Variants in CCNH observed in about 807,000 individuals in gnomAD.
CCNH encodes cyclin H.
CCNH carries 31 observed loss-of-function variants against 41.9 expected under a neutral mutation model. The observed-to-expected ratio is 0.74, with a 90% CI of 0.56 to 1.00. The LOEUF (loss-of-function observed/expected upper bound fraction) is 1.00. Among genes scored for constraint, CCNH ranks in the 50% least tolerant of loss-of-function variants. The pLI, the probability that CCNH is intolerant of heterozygous loss-of-function variation, is 0.00. For missense variants in CCNH, 362 were observed against 388.4 expected, an observed-to-expected ratio of 0.93 and a Z score of 0.57; for synonymous variants, 138 against 136.1, an observed-to-expected ratio of 1.01 and a Z score of -0.10.
intron 6 of CCNH, among the ~76,000 whole-genome samples, chr5:87,400,629 T>C (rs545918345): frequency 1.5e-4 from 23 of 152,348 alleles, no homozygotes; most frequent in African/African-American, 2.9e-4. Context: ...AAATGATACA[T>C]AGATGCCCTG....
At chr5:87,387,395 TAATAA>T (rs1762136488), downstream of CCNH, among the ~76,000 whole-genome samples, 1 of 152,294 alleles carries the variant, frequency 6.6e-6, no homozygotes, top group Admixed American at 6.5e-5. Context: ...TGGGCCTTGT[TAATAA>T]AATAAATTGT....
At chr5:87,338,582 G>A (rs1466750812) in intron 9 of CCNH, among the ~76,000 whole-genome samples, 1 of 142,410 alleles carries the variant, frequency 7.0e-6, no homozygotes, top group Non-Finnish European at 1.5e-5. Flanking sequence ...ATGTTGGCCA[G>A]GCTGGTCTCA....
At chr5:87,341,980 C>G (rs763322308) in intron 9 of CCNH, among the ~76,000 whole-genome samples, 2 of 152,048 alleles carry the variant, frequency 1.3e-5, no homozygotes, top group Non-Finnish European at 2.9e-5. Context: ...TTGCAGTCAC[C>G]TTGTTTAATG....
intron 9 of CCNH, among the ~76,000 whole-genome samples, chr5:87,347,885 G>C (rs1028315791): frequency 6.6e-6 from 1 of 151,942 alleles, no homozygotes; most frequent in Non-Finnish European, 1.5e-5. Flanking sequence ...CCAAGTACTT[G>C]AGGTACTTTT....
At chr5:87,364,322 A>G (rs995556249) in intron 9 of CCNH, among the ~76,000 whole-genome samples, 4 of 152,118 alleles carry the variant, frequency 2.6e-5, no homozygotes, top group African/African-American at 9.7e-5. Flanking sequence ...CAGTGTGTTT[A>G]GGAGATCACA....
upstream of CCNH, chr5:87,378,282 A>G: frequency 8.0e-7 from 1 of 1,252,180 alleles, no homozygotes; most frequent in African/African-American, 1.5e-5. Context: ...TGCACGCAAA[A>G]AGCACATTTA....
chr5:87,352,574 T>G (rs532793243), intron 9 of CCNH, among the ~76,000 whole-genome samples: 1 of 151,954 alleles, frequency 6.6e-6, no homozygotes, highest in Non-Finnish European at 1.5e-5. Context: ...ATTTTCCCAA[T>G]ATTTCCCAAT....
chr5:87,395,153 C>A, intron 7 of CCNH, 49 bp from the exon 8 acceptor site: 1 of 1,542,788 alleles, frequency 6.5e-7, no homozygotes, highest in Non-Finnish European at 8.9e-7. Context: ...GCCACAGAAA[C>A]TATAAAATGT....
rs1763685667 is a variant in CCNH at position 87,404,998 on chromosome 5, G to C, written c.535C>G (p.Pro179Ala). 6.2e-7 allele frequency: 1 copy of C among 1,610,236 alleles called. No individual in the cohort carries two copies. The highest frequency in any genetic ancestry group is 1.3e-5 in the African/African-American group (1 of 74,678). Residue 179 changes from proline (P) to alanine (A), a missense_variant, in exon 5 of 9, where the codon CCC becomes GCC. By Grantham distance (27) the Pro-to-Ala change is conservative (BLOSUM62 -1). Coordinates refer to ENST00000256897, the MANE Select transcript of CCNH (RefSeq NM_001239.4). ...GFLIDLKTRY[P>A]ILENPEILRK... ...AAAATCTCTGGATTCTCCAATATGG[G>C]ATAGCGGGTCTACAAAGAAAGTTTG...
At chr5:87,322,155 G>T (rs1756868637) in intron 9 of CCNH, among the ~76,000 whole-genome samples, 1 of 152,082 alleles carries the variant, frequency 6.6e-6, no homozygotes, top group Admixed American at 6.5e-5. Flanking sequence ...AGAGCTGGTT[G>T]TTTAAAGCAG....
At chr5:87,412,325 A>C in intron 1 of CCNH, 1 of 835,424 alleles carries the variant, frequency 1.2e-6, no homozygotes, top group South Asian at 3.4e-5. Context: ...GACTGCCTGG[A>C]ACTTCCTTTC....
intron 9 of CCNH, among the ~76,000 whole-genome samples, chr5:87,365,765 A>T (rs560589238): frequency 2.1e-4 from 32 of 151,760 alleles, no homozygotes; most frequent in Admixed American, 1.2e-3. Context: ...TAATTGCTAA[A>T]TTTTTTTTTA....
At chr5:87,394,933 A>G in intron 8 of CCNH, 111 bp downstream of exon 8, 1 of 1,553,508 alleles carries the variant, frequency 6.4e-7, no homozygotes, top group East Asian at 2.3e-5. Flanking sequence ...AAAATGAAAA[A>G]ACCCACAACT....
downstream of CCNH, chr5:87,372,113 T>C: frequency 6.2e-7 from 1 of 1,612,994 alleles, no homozygotes; most frequent in African/African-American, 1.3e-5. Context: ...TGTTTTTCTT[T>C]GCAGGATTGG....
At chr5:87,350,789 A>T (rs1759208311) in intron 9 of CCNH, among the ~76,000 whole-genome samples, 1 of 151,506 alleles carries the variant, frequency 6.6e-6, no homozygotes, top group South Asian at 2.1e-4. Context: ...GATTTTTATA[A>T]TTTTTCTTCC....
At chr5:87,326,472 C>G (rs552168178) in intron 9 of CCNH, among the ~76,000 whole-genome samples, 9 of 152,206 alleles carry the variant, frequency 5.9e-5, no homozygotes, top group Non-Finnish European at 1.2e-4. Flanking sequence ...CAAAAATTTA[C>G]AAAGCTAGCT....
chr5:87,339,955 T>C (rs1178738623), intron 9 of CCNH, among the ~76,000 whole-genome samples: 2 of 152,134 alleles, frequency 1.3e-5, no homozygotes, highest in Non-Finnish European at 2.9e-5. Context: ...TTTCTCCTTC[T>C]AAAATTCTAA....
chr5:87,349,088 A>G (rs1164143892), intron 9 of CCNH: 1 of 1,210,686 alleles, frequency 8.3e-7, no homozygotes, highest in Non-Finnish European at 1.2e-6. Context: ...TCTTAAAAAA[A>G]AAACAAGTTC....
chr5:87,375,003 TA>T (rs916770003), downstream of CCNH: 3 of 1,479,020 alleles, frequency 2.0e-6, no homozygotes, highest in African/African-American at 2.9e-5. Flanking sequence ...AAATAGAAAT[TA>T]AAAAAACAGA....
Sources: allele counts gnomAD v4.1 joint callset (sites outside exome capture counted in the v4.1 genomes callset), GRCh38; gene constraint gnomAD v4.1.1; transcripts MANE v1.5; gene names NCBI Gene and HGNC (gene_info 2026-07-23, HGNC 2026-07-21).